Variants in DNER observed in about 807,000 individuals in gnomAD.
DNER encodes the protein delta/notch like EGF repeat containing.
Under a neutral mutation model 78.2 loss-of-function variants are expected in DNER, and 33 were observed. That is an observed-to-expected ratio of 0.42 (90% confidence interval 0.32 to 0.56). The LOEUF (loss-of-function observed/expected upper bound fraction) is 0.56. Among genes scored for constraint, DNER ranks in the 20% least tolerant of loss-of-function variants. The pLI is 0.11. For missense variants in DNER, 918 were observed against 975.3 expected, an observed-to-expected ratio of 0.94 and a Z score of 0.78; for synonymous variants, 417 against 384.8, an observed-to-expected ratio of 1.08 and a Z score of -0.98.
intron 11 of DNER, among the ~76,000 whole-genome samples, chr2:229,376,382 A>C (rs1692601750): frequency 6.6e-6 from 1 of 152,092 alleles, no homozygotes; most frequent in African/African-American, 2.4e-5. Flanking sequence ...CAGACACTGG[A>C]TCTGCCAGTG....
intron 12 of DNER, among the ~76,000 whole-genome samples, chr2:229,364,528 T>G (rs893135624): frequency 6.6e-6 from 1 of 152,140 alleles, no homozygotes; most frequent in Non-Finnish European, 1.5e-5. Context: ...GGCGCTAAGA[T>G]GAGCAGCCAT....
chr2:229,442,051 T>C (rs752509018), intron 8 of DNER, among the ~76,000 whole-genome samples: 2 of 152,158 alleles, frequency 1.3e-5, no homozygotes, highest in Admixed American at 1.3e-4. Flanking sequence ...CAGGATTCCA[T>C]TTGGGGTCCC....
At chr2:229,420,469 G>A (rs1049445947) in intron 8 of DNER, among the ~76,000 whole-genome samples, 3 of 152,046 alleles carry the variant, frequency 2.0e-5, no homozygotes, top group East Asian at 1.9e-4. Flanking sequence ...CCTGTACCTC[G>A]GATATCATAT....
chr2:229,438,344 ATCTTGT>A (rs943874901), intron 8 of DNER, among the ~76,000 whole-genome samples: 6 of 152,194 alleles, frequency 3.9e-5, no homozygotes, highest in Admixed American at 3.9e-4. Context: ...GGAGTCTGGA[ATCTTGT>A]TCTTGTGATT....
intron 6 of DNER, among the ~76,000 whole-genome samples, chr2:229,484,902 C>A (rs1045501075): frequency 6.6e-6 from 1 of 152,194 alleles, no homozygotes; most frequent in African/African-American, 2.4e-5. Context: ...AGCAGAGAAA[C>A]AGCACCTTCA....
intron 9 of DNER, among the ~76,000 whole-genome samples, chr2:229,414,940 A>G (rs1355528928): frequency 6.6e-6 from 1 of 152,146 alleles, no homozygotes; most frequent in African/African-American, 2.4e-5. Context: ...AGACAGGTGG[A>G]TCACCTGAGG....
intron 11 of DNER, among the ~76,000 whole-genome samples, chr2:229,383,327 A>G (rs1418258890): frequency 6.6e-6 from 1 of 152,238 alleles, no homozygotes; most frequent in Non-Finnish European, 1.5e-5. Context: ...TGTAAAGACA[A>G]TTGACACTAT....
intron 7 of DNER, among the ~76,000 whole-genome samples, chr2:229,470,679 G>A (rs538475477): frequency 1.4e-4 from 21 of 152,104 alleles, no homozygotes; most frequent in African/African-American, 3.6e-4. Context: ...GTGAAACCCC[G>A]TCTCTACTAA....
At chr2:229,563,363 A>C (rs1385566487) in intron 4 of DNER, among the ~76,000 whole-genome samples, 1 of 150,060 alleles carries the variant, frequency 6.7e-6, no homozygotes, top group African/African-American at 2.5e-5. Context: ...TTACCCCATC[A>C]CCATCATCAT....
At chr2:229,515,744 G>A (rs931125490) in intron 5 of DNER, among the ~76,000 whole-genome samples, 22 of 150,174 alleles carry the variant, frequency 1.5e-4, no homozygotes, top group Admixed American at 6.7e-4. Flanking sequence ...GGGTGCAAGC[G>A]ATTCTCATGC....
intron 10 of DNER, among the ~76,000 whole-genome samples, chr2:229,396,887 G>A (rs767673920): frequency 6.6e-6 from 1 of 152,128 alleles, no homozygotes; most frequent in Non-Finnish European, 1.5e-5. Flanking sequence ...GGTAGTCAAT[G>A]TGAGGGAAGG....
In DNER at chr2:229,507,342, AC is replaced by A. The variant is rs1695764417; in HGVS notation, c.1147+5440del. Among the ~76,000 whole-genome samples, 8 of 151,924 alleles carry A rather than the reference AC, an allele frequency of 5.3e-5. No individual in the cohort carries two copies. The South Asian group carries it at 1.7e-3, about 32-fold the overall frequency. On this transcript the variant is annotated intron_variant, in intron 6 of 12. Coordinates refer to ENST00000341772, the MANE Select transcript of DNER (RefSeq NM_139072.4). ...TGTACATGTACATGTACATGACTATACTTCTATTATTGTTACTGTTGTTAGT... is the reference window on the plus strand; with the variant it reads ...TGTACATGTACATGTACATGACTATATTCTATTATTGTTACTGTTGTTAGT...
intron 6 of DNER, among the ~76,000 whole-genome samples, chr2:229,480,992 A>G (rs796161564): frequency 8.5e-5 from 13 of 152,296 alleles, no homozygotes; most frequent in African/African-American, 3.1e-4. Context: ...TGTAGGAGGA[A>G]GCAGGGAGGC....
At chr2:229,385,889 T>C (rs1027901454) in intron 11 of DNER, among the ~76,000 whole-genome samples, 1 of 152,102 alleles carries the variant, frequency 6.6e-6, no homozygotes, top group African/African-American at 2.4e-5. Flanking sequence ...AAAATGGCCA[T>C]ACTGCCCAAA....
chr2:229,675,664 C>T (rs1699288936), intron 1 of DNER, among the ~76,000 whole-genome samples: 1 of 152,194 alleles, frequency 6.6e-6, no homozygotes. Flanking sequence ...CCACTTGGCT[C>T]ACATTTCAAA....
intron 4 of DNER, among the ~76,000 whole-genome samples, chr2:229,576,888 G>A (rs1485943962): frequency 6.6e-6 from 1 of 152,204 alleles, no homozygotes; most frequent in Non-Finnish European, 1.5e-5. Flanking sequence ...ACAGGGTTCA[G>A]AGGCAGGAAA....
chr2:229,610,293 ACT>A (rs1698022049), intron 1 of DNER, among the ~76,000 whole-genome samples: 1 of 152,088 alleles, frequency 6.6e-6, no homozygotes, highest in Non-Finnish European at 1.5e-5. Flanking sequence ...CTCAGGAAAC[ACT>A]CTCAACGGCC....
At chr2:229,560,568 A>C (rs1190501946) in intron 4 of DNER, among the ~76,000 whole-genome samples, 3 of 152,122 alleles carry the variant, frequency 2.0e-5, no homozygotes, top group East Asian at 3.9e-4. Context: ...GTGAAACAGC[A>C]CACCTGTGCC....
At chr2:229,367,794 G>T (rs1277587512) in intron 11 of DNER, among the ~76,000 whole-genome samples, 1 of 152,170 alleles carries the variant, frequency 6.6e-6, no homozygotes, top group East Asian at 1.9e-4. Context: ...ACTACAAGTT[G>T]ATACATAACC....
Sources: allele counts gnomAD v4.1 joint callset (sites outside exome capture counted in the v4.1 genomes callset), GRCh38; gene constraint gnomAD v4.1.1; transcripts MANE v1.5; gene names NCBI Gene and HGNC (gene_info 2026-07-23, HGNC 2026-07-21).